Variants in PTPN2 observed in about 807,000 individuals in gnomAD.
PTPN2 encodes the protein protein tyrosine phosphatase non-receptor type 2, also known as tyrosine-protein phosphatase non-receptor type 2.
PTPN2 carries 19 observed loss-of-function variants against 57.3 expected under a neutral mutation model. The ratio of observed to expected loss-of-function variants is 0.33; its 90% CI spans 0.23 to 0.49. The LOEUF (loss-of-function observed/expected upper bound fraction) is 0.49, where lower values mean the gene tolerates loss of function less well. PTPN2 is among the 20% of genes least tolerant of loss of function. The probability of loss-of-function intolerance (pLI) is 0.99; values close to 1 mark genes in which losing one functional copy is unlikely to be tolerated. For missense variants in PTPN2, 358 were observed against 501.1 expected, an observed-to-expected ratio of 0.71 and a Z score of 2.73; for synonymous variants, 153 against 164.9, an observed-to-expected ratio of 0.93 and a Z score of 0.55.
At chr18:12,844,154 G>A (rs1465666618) in intron 2 of PTPN2, among the ~76,000 whole-genome samples, 12 of 152,196 alleles carry the variant, frequency 7.9e-5, no homozygotes, top group African/African-American at 2.9e-4. Context: ...TCTGTGTTAT[G>A]AATATACCAT....
intron 2 of PTPN2, among the ~76,000 whole-genome samples, chr18:12,846,647 T>C (rs1223893197): frequency 6.6e-6 from 1 of 152,232 alleles, no homozygotes; most frequent in East Asian, 1.9e-4. Flanking sequence ...GAACCAGCCA[T>C]TTCTCCAAAG....
chr18:12,874,720 C>T (rs1218755256), intron 1 of PTPN2, among the ~76,000 whole-genome samples: 1 of 149,584 alleles, frequency 6.7e-6, no homozygotes, highest in Non-Finnish European at 1.5e-5. Flanking sequence ...CCGCCCCACC[C>T]GGGAGGTGAG....
At chr18:12,852,275 G>A (rs761076482) in intron 2 of PTPN2, among the ~76,000 whole-genome samples, 71 of 150,350 alleles carry the variant, frequency 4.7e-4, no homozygotes, top group Non-Finnish European at 9.7e-4. Context: ...TGACTCAATT[G>A]CTGGCACTCC....
intron 2 of PTPN2, among the ~76,000 whole-genome samples, chr18:12,849,950 G>T (rs2043338931): frequency 6.6e-6 from 1 of 151,986 alleles, no homozygotes; most frequent in Admixed American, 6.5e-5. Flanking sequence ...GTATTTATGT[G>T]CCCACTCTTT....
At chr18:12,834,881 AT>A (rs1014478367) in intron 3 of PTPN2, among the ~76,000 whole-genome samples, 2 of 152,084 alleles carry the variant, frequency 1.3e-5, no homozygotes, top group Non-Finnish European at 2.9e-5. Flanking sequence ...TTTTAATGTA[AT>A]TAGTTGTCCC....
Position 12,802,032 on chromosome 18 carries a change from T to C in PTPN2, c.978A>G (p.Thr326=). The change falls in exon 8 of 9, where the codon ACA becomes ACG. Residue 326 remains threonine (T), a synonymous_variant. Coordinates refer to ENST00000309660, the MANE Select transcript of PTPN2 (RefSeq NM_002828.4). ...NRIGLEEEKL[T]GDRCTGLSSK... is the part of the protein sequence containing the mutation. Reference sequence around the variant, plus strand: ...AGGAAAGTCCTGTACATCGGTCACCTGTCAGTTTTTCTTCTTCTAGACCTA... The same window carrying C: ...AGGAAAGTCCTGTACATCGGTCACCCGTCAGTTTTTCTTCTTCTAGACCTA... 1 of 1,612,604 alleles carries C rather than the reference T, an allele frequency of 6.2e-7. No individual in the cohort carries two copies. The highest frequency in any genetic ancestry group is 8.5e-7 in the Non-Finnish European group (1 of 1,179,598).
chr18:12,842,242 C>T (rs1386019740), intron 2 of PTPN2, among the ~76,000 whole-genome samples: 4 of 152,098 alleles, frequency 2.6e-5, no homozygotes, highest in Non-Finnish European at 5.9e-5. Flanking sequence ...AGACTCTCCG[C>T]TTCTAGGAGA....
At chr18:12,790,860 T>A (rs1327672091), downstream of PTPN2, among the ~76,000 whole-genome samples, 1 of 152,234 alleles carries the variant, frequency 6.6e-6, no homozygotes, top group Admixed American at 6.5e-5. Flanking sequence ...TTTTTTTTCT[T>A]CCTTTCTCTT....
At chr18:12,817,099 AAGCAATT>A in intron 6 of PTPN2, 50 bp downstream of exon 6, 2 of 1,499,044 alleles carry the variant, frequency 1.3e-6, no homozygotes. Context: ...CTGCCAGTGG[AAGCAATT>A]TAAAAAAAAA....
intron 2 of PTPN2, among the ~76,000 whole-genome samples, chr18:12,850,163 T>G (rs2043346266): frequency 6.6e-6 from 1 of 152,150 alleles, no homozygotes; most frequent in Non-Finnish European, 1.5e-5. Context: ...TTACTCTAAA[T>G]TAGGTTAGAC....
At chr18:12,845,268 C>A (rs539473496) in intron 2 of PTPN2, among the ~76,000 whole-genome samples, 1 of 152,244 alleles carries the variant, frequency 6.6e-6, no homozygotes, top group East Asian at 1.9e-4. Flanking sequence ...ATCTATAGAA[C>A]AATTTGGGGA....
At chr18:12,808,637 T>C (rs1245787194) in intron 7 of PTPN2, among the ~76,000 whole-genome samples, 1 of 151,814 alleles carries the variant, frequency 6.6e-6, no homozygotes, top group Non-Finnish European at 1.5e-5. Context: ...AATAATTAGC[T>C]GGGTGTGGTG....
chr18:12,857,475 T>C (rs892701790), intron 2 of PTPN2, among the ~76,000 whole-genome samples: 2 of 152,212 alleles, frequency 1.3e-5, no homozygotes, highest in South Asian at 2.1e-4. Flanking sequence ...ACTCGATCTT[T>C]CTGTATTATT....
chr18:12,884,017 G>T, intron 1 of PTPN2, 56 bp downstream of exon 1: 3 of 1,452,530 alleles, frequency 2.1e-6, no homozygotes, highest in Non-Finnish European at 2.8e-6. Context: ...TGCGGACAGG[G>T]CACGAGTCCG....
At chr18:12,844,561 C>T (rs2043153239) in intron 2 of PTPN2, among the ~76,000 whole-genome samples, 1 of 152,102 alleles carries the variant, frequency 6.6e-6, no homozygotes, top group African/African-American at 2.4e-5. Context: ...GCTTATCTGC[C>T]ATCTGTGTCA....
chr18:12,865,202 T>C (rs1170104812), intron 1 of PTPN2, among the ~76,000 whole-genome samples: 1 of 152,022 alleles, frequency 6.6e-6, no homozygotes, highest in African/African-American at 2.4e-5. Context: ...ATCCCAATAC[T>C]TTGGGAGGCT....
chr18:12,883,013 C>T (rs985697510), intron 1 of PTPN2, among the ~76,000 whole-genome samples: 5 of 152,134 alleles, frequency 3.3e-5, no homozygotes, highest in African/African-American at 9.7e-5. Context: ...AAAAGGTAGT[C>T]TAGTTGACAT....
intron 1 of PTPN2, among the ~76,000 whole-genome samples, chr18:12,878,391 G>C (rs1367538031): frequency 6.6e-6 from 1 of 152,052 alleles, no homozygotes; most frequent in Non-Finnish European, 1.5e-5. Flanking sequence ...ATGTGGCTGG[G>C]CGTGGTGGCT....
chr18:12,825,472 C>T (rs1053687478), intron 5 of PTPN2, among the ~76,000 whole-genome samples: 7 of 152,098 alleles, frequency 4.6e-5, no homozygotes, highest in African/African-American at 1.7e-4. Context: ...GGGTGGGGAA[C>T]AAGTCTAAAG....
Sources: allele counts gnomAD v4.1 joint callset (sites outside exome capture counted in the v4.1 genomes callset), GRCh38; gene constraint gnomAD v4.1.1; transcripts MANE v1.5; gene names NCBI Gene and HGNC (gene_info 2026-07-23, HGNC 2026-07-21).